RSU1: variants seen among roughly 807,000 people sequenced by gnomAD.
RSU1 encodes Ras suppressor protein 1.
RSU1 carries 26 observed loss-of-function variants against 31.1 expected under a neutral mutation model. The ratio of observed to expected loss-of-function variants is 0.84; its 90% CI spans 0.61 to 1.16. The LOEUF (loss-of-function observed/expected upper bound fraction) is 1.16, where lower values mean the gene tolerates loss of function less well. Ranked by LOEUF, RSU1 falls within the 50% of genes most tolerant of loss-of-function variation. The probability of loss-of-function intolerance (pLI) is 0.00; values close to 1 mark genes in which losing one functional copy is unlikely to be tolerated. For synonymous variants in RSU1, 164 were observed against 136.3 expected (o/e 1.20, Z -1.41); for missense variants, 320 against 339.1 (o/e 0.94, Z 0.44).
At chr10:16,766,714 T>C (rs1466795415) in intron 3 of RSU1, among the ~76,000 whole-genome samples, 1 of 151,066 alleles carries the variant, frequency 6.6e-6, no homozygotes, top group East Asian at 2.0e-4. Context: ...CAACTCTATC[T>C]CGAGAAGAGA....
intron 8 of RSU1, among the ~76,000 whole-genome samples, chr10:16,638,642 T>C (rs1834388820): frequency 1.3e-5 from 2 of 152,184 alleles, no homozygotes; most frequent in Non-Finnish European, 2.9e-5. Flanking sequence ...GAGGCTAGCA[T>C]ATACAGAGGC....
intron 2 of RSU1, among the ~76,000 whole-genome samples, chr10:16,792,203 C>A (rs1484423205): frequency 2.0e-5 from 3 of 152,194 alleles, no homozygotes; most frequent in African/African-American, 7.2e-5. Context: ...ATGAAAGCCA[C>A]TAAAAAGGCC....
intron 3 of RSU1, among the ~76,000 whole-genome samples, chr10:16,772,036 G>C (rs1837433315): frequency 6.6e-6 from 1 of 152,158 alleles, no homozygotes. Context: ...CTCACTCTAT[G>C]CTATCATGAG....
At chr10:16,610,529 C>T (rs903999787) in intron 8 of RSU1, among the ~76,000 whole-genome samples, 3 of 152,154 alleles carry the variant, frequency 2.0e-5, no homozygotes, top group African/African-American at 7.2e-5. Context: ...AGCTGCTCCC[C>T]ATTGCACATG....
At chr10:16,701,155 A>G (rs1835785181) in intron 7 of RSU1, among the ~76,000 whole-genome samples, 1 of 152,242 alleles carries the variant, frequency 6.6e-6, no homozygotes, top group African/African-American at 2.4e-5. Context: ...AGTATGGATT[A>G]TTCTCATAAT....
intron 8 of RSU1, among the ~76,000 whole-genome samples, chr10:16,679,283 A>G (rs576634544): frequency 3.9e-5 from 6 of 152,202 alleles, no homozygotes; most frequent in Non-Finnish European, 8.8e-5. Flanking sequence ...CTTGCTTTCA[A>G]AAAGACTTCA....
At chr10:16,629,516 C>A (rs1225621745) in intron 8 of RSU1, among the ~76,000 whole-genome samples, 1 of 152,028 alleles carries the variant, frequency 6.6e-6, no homozygotes, top group Non-Finnish European at 1.5e-5. Context: ...TTAAAAGTAT[C>A]AAGGAAAAGC....
chr10:16,625,652 C>T (rs1834144405), intron 8 of RSU1, among the ~76,000 whole-genome samples: 1 of 152,200 alleles, frequency 6.6e-6, no homozygotes, highest in African/African-American at 2.4e-5. Flanking sequence ...TCAAAAATGT[C>T]TTTGCCTGGC....
chr10:16,752,540 T>G lies in RSU1; in HGVS notation c.597A>C (p.Leu199=), dbSNP rs566866601. 58 of 1,609,934 alleles carry G rather than the reference T, an allele frequency of 3.6e-5. No homozygotes were observed. The South Asian group carries it at 6.0e-4, about 17-fold the overall frequency. The change falls in exon 7 of 9, where the codon CTA becomes CTC. Residue 199 remains leucine, a splice_region_variant and synonymous_variant. Coordinates refer to ENST00000345264, the MANE Select transcript of RSU1 (RefSeq NM_012425.4). Reference sequence around the variant, plus strand: ...AAGTTCATTCATCAGCAACCTTACCTAGTTCTGGGGGCAGAACGGTGAGGC... The same window carrying G: ...AAGTTCATTCATCAGCAACCTTACCGAGTTCTGGGGGCAGAACGGTGAGGC... ...GNRLTVLPPE[L]GNLDLTGQKQ... is the part of the protein sequence containing the mutation.
At chr10:16,781,982 C>T (rs1837660696) in intron 3 of RSU1, 52 bp downstream of exon 3, 1 of 1,475,280 alleles carries the variant, frequency 6.8e-7, no homozygotes, top group African/African-American at 1.4e-5. Flanking sequence ...TCAGCAGTGC[C>T]ATAGGATTAC....
intron 2 of RSU1, among the ~76,000 whole-genome samples, chr10:16,792,971 T>A (rs1208986957): frequency 6.6e-6 from 1 of 152,206 alleles, no homozygotes; most frequent in African/African-American, 2.4e-5. Flanking sequence ...ATGGCTGAAG[T>A]TATTTCACCC....
intron 2 of RSU1, among the ~76,000 whole-genome samples, chr10:16,810,771 G>C (rs1838391285): frequency 6.6e-6 from 1 of 152,170 alleles, no homozygotes. Context: ...ACTCAACAAT[G>C]AACCACCCGG....
At position 16,703,814 on chromosome 10, in the gene RSU1, G is replaced by T. The variant is rs866009151; in HGVS notation, c.599-8659C>A. 2.0e-5 allele frequency among the ~76,000 whole-genome samples: 3 copies of T among 152,168 alleles called. No individual in the cohort carries two copies. In the South Asian group the frequency reaches 6.2e-4, roughly 32 times the overall value. On this transcript the variant is annotated intron_variant, in intron 7 of 8. Transcript: ENST00000345264. ...ATGCATATGAACAGAGAAAAGACTG[G>T]AAAAAAATCTCAGAATTTAAAGTGG...
At chr10:16,691,663 C>A (rs1252235769) in intron 8 of RSU1, among the ~76,000 whole-genome samples, 1 of 151,034 alleles carries the variant, frequency 6.6e-6, no homozygotes, top group Non-Finnish European at 1.5e-5. Context: ...GTTATGGAAC[C>A]AGCTGGTCCC....
intron 8 of RSU1, among the ~76,000 whole-genome samples, chr10:16,594,403 C>T (rs937425241): frequency 4.6e-5 from 7 of 150,816 alleles, no homozygotes; most frequent in African/African-American, 9.8e-5. Context: ...CATATACTGG[C>T]GTCCGGCATT....
intron 7 of RSU1, among the ~76,000 whole-genome samples, chr10:16,719,713 G>A (rs969335146): frequency 2.6e-5 from 4 of 152,198 alleles, no homozygotes; most frequent in Non-Finnish European, 5.9e-5. Context: ...AGTGTGATGC[G>A]TGGTGATGAC....
chr10:16,718,110 A>AAAG (rs1554768711), intron 7 of RSU1, among the ~76,000 whole-genome samples: 6 of 150,874 alleles, frequency 4.0e-5, no homozygotes, highest in South Asian at 2.1e-4. Context: ...AAAAAAAAAA[A>AAAG]AAAGAAAGAA....
At chr10:16,713,768 C>T (rs1193395917) in intron 7 of RSU1, among the ~76,000 whole-genome samples, 3 of 152,120 alleles carry the variant, frequency 2.0e-5, no homozygotes. Flanking sequence ...TTGCTTGTGT[C>T]CCTATGCTGA....
At chr10:16,726,915 G>A (rs1326188468) in intron 7 of RSU1, 7 of 385,494 alleles carry the variant, frequency 1.8e-5, no homozygotes, top group Non-Finnish European at 3.7e-5. Context: ...GCAGAAGGGC[G>A]TTGCATATGG....
Sources: gnomAD v4.1 joint callset for allele counts (sites outside exome capture counted in the v4.1 genomes callset) on GRCh38, gnomAD v4.1.1 for gene constraint, MANE v1.5 for transcripts, NCBI Gene and HGNC (gene_info 2026-07-23, HGNC 2026-07-21) for gene names.